The following PLAA variants were observed in gnomAD, a reference collection of about 807,000 sequenced individuals.
PLAA encodes phospholipase A2 activating protein, also known as phospholipase A-2-activating protein.
In PLAA, 48 loss-of-function variants were observed where a neutral mutation model predicts 84.1. The ratio of observed to expected loss-of-function variants is 0.57; its 90% CI spans 0.45 to 0.73. The LOEUF is 0.73. Ranked by LOEUF, PLAA falls within the 30% of genes least tolerant of loss-of-function variation. The probability of loss-of-function intolerance (pLI) is 0.00; values close to 1 mark genes in which losing one functional copy is unlikely to be tolerated. For missense variants in PLAA, 903 were observed against 954.7 expected, an observed-to-expected ratio of 0.95 and a Z score of 0.71; for synonymous variants, 392 against 336.6, an observed-to-expected ratio of 1.16 and a Z score of -1.80.
intron 6 of PLAA, among the ~76,000 whole-genome samples, chr9:26,924,923 T>C (rs150284851): frequency 6.6e-6 from 1 of 152,330 alleles, no homozygotes; most frequent in African/African-American, 2.4e-5. Context: ...GGCATGAGTG[T>C]GGCTCACCAC....
intron 7 of PLAA, among the ~76,000 whole-genome samples, chr9:26,921,212 G>C (rs886174529): frequency 6.6e-6 from 1 of 152,136 alleles, no homozygotes; most frequent in Non-Finnish European, 1.5e-5. Flanking sequence ...GGCAGTATTT[G>C]CTCCTTTCCC....
Position 26,917,162 on chromosome 9 carries a change from C to T in PLAA, c.1421G>A (p.Gly474Asp). 2 of 1,613,680 alleles carry T rather than the reference C, an allele frequency of 1.2e-6. No homozygotes were observed. Among genetic ancestry groups the T allele is most frequent in the Non-Finnish European group, 1.7e-6 (2 of 1,179,698 alleles). The change falls in exon 10 of 14, where the codon GGT becomes GAT. Residue 474 changes from glycine to aspartate, a missense_variant. Gly to Asp is a moderately conservative substitution (Grantham distance 94). Transcript: ENST00000397292. ...NPSFSDPFTGGGRYVPGSSGS... is the reference protein window; with the variant it reads ...NPSFSDPFTGDGRYVPGSSGS... Reference sequence around the variant, plus strand: ...CGAAGAGCCCGGAACATACCGACCACCACCTGTGCATGCAAAATAAAGAAA... The same window carrying T: ...CGAAGAGCCCGGAACATACCGACCATCACCTGTGCATGCAAAATAAAGAAA...
intron 12 of PLAA, among the ~76,000 whole-genome samples, chr9:26,908,765 C>T (rs532691524): frequency 7.2e-5 from 11 of 152,274 alleles, no homozygotes; most frequent in Middle Eastern, 6.8e-3. Context: ...TGAGCCACCA[C>T]GTCCGGCCTC....
chr9:26,916,114 G>A (rs1563908605), intron 10 of PLAA: 2 of 985,364 alleles, frequency 2.0e-6, no homozygotes, highest in East Asian at 1.1e-4. Flanking sequence ...TAAATTCACA[G>A]GAAAAAGGAA....
intron 1 of PLAA, among the ~76,000 whole-genome samples, chr9:26,943,815 T>C (rs867727487): frequency 1.3e-5 from 2 of 152,032 alleles, no homozygotes; most frequent in South Asian, 4.1e-4. Flanking sequence ...TAGCTGGGCA[T>C]AGTGGTTCTT....
intron 9 of PLAA, chr9:26,919,075 AC>A (rs924129626): frequency 2.7e-6 from 1 of 373,194 alleles, no homozygotes; most frequent in Non-Finnish European, 4.8e-6. Context: ...GTTTCAAATA[AC>A]TGAAATTCCA....
chr9:26,927,496 A>G (rs547896164), intron 4 of PLAA, among the ~76,000 whole-genome samples: 2 of 152,176 alleles, frequency 1.3e-5, no homozygotes, highest in Non-Finnish European at 2.9e-5. Context: ...TAAGGAAAAA[A>G]TTCAAAAAGG....
At chr9:26,923,657 T>G (rs936003636) in intron 6 of PLAA, among the ~76,000 whole-genome samples, 1 of 152,226 alleles carries the variant, frequency 6.6e-6, no homozygotes, top group Non-Finnish European at 1.5e-5. Flanking sequence ...TTTTAGTTAT[T>G]ACCATATAGA....
intron 1 of PLAA, among the ~76,000 whole-genome samples, chr9:26,943,215 G>A (rs1356678107): frequency 1.3e-5 from 2 of 152,162 alleles, no homozygotes; most frequent in East Asian, 3.9e-4. Flanking sequence ...ACAATGGCAT[G>A]TTGCTGGCTC....
chr9:26,911,561 T>C (rs751874207), intron 11 of PLAA, among the ~76,000 whole-genome samples: 17 of 152,236 alleles, frequency 1.1e-4, no homozygotes, highest in Non-Finnish European at 2.4e-4. Flanking sequence ...GTGCTGAGAT[T>C]ACAGGCGTGA....
At chr9:26,927,531 C>T (rs753401021) in intron 4 of PLAA, among the ~76,000 whole-genome samples, 2 of 152,122 alleles carry the variant, frequency 1.3e-5, no homozygotes, top group Non-Finnish European at 2.9e-5. Context: ...TTAAAATTAA[C>T]AGTAAATACT....
intron 1 of PLAA, among the ~76,000 whole-genome samples, chr9:26,944,256 T>C (rs929043028): frequency 6.6e-6 from 1 of 152,198 alleles, no homozygotes; most frequent in African/African-American, 2.4e-5. Flanking sequence ...GATACCTTGA[T>C]AATGGACTTC....
At chr9:26,916,996 A>G in intron 10 of PLAA, 101 bp downstream of exon 10, 2 of 949,940 alleles carry the variant, frequency 2.1e-6, no homozygotes. Flanking sequence ...AGATAAGGGA[A>G]TTACCAATTA....
intron 10 of PLAA, among the ~76,000 whole-genome samples, chr9:26,915,467 T>A (rs1228001952): frequency 6.6e-6 from 1 of 152,230 alleles, no homozygotes; most frequent in Non-Finnish European, 1.5e-5. Flanking sequence ...TGACTTTAAG[T>A]TGTAGCCAGA....
In PLAA at chr9:26,910,554, C is replaced by A. The variant is rs1824368660; in HGVS notation, c.1556-115G>T. ...GAGATATGCAACTATTCAGTGCGTG[C>A]AATAAACAAGGAACCTCAAGGGGAA... On this transcript the variant is annotated intron_variant, in intron 11 of 13. Coordinates refer to ENST00000397292, the MANE Select transcript of PLAA (RefSeq NM_001031689.3). 4 of 573,362 alleles carry A rather than the reference C, an allele frequency of 7.0e-6. No homozygotes were observed. In the South Asian group the frequency reaches 1.0e-4, roughly 15 times the overall value. The allele number at this position is 573,362 out of a possible 1,614,324, so 35.5% of individuals were successfully genotyped here.
At chr9:26,908,128 C>T (rs377309494) in intron 12 of PLAA, 130 bp from the exon 13 acceptor site, 17 of 557,204 alleles carry the variant, frequency 3.1e-5, no homozygotes, top group African/African-American at 2.9e-4. Flanking sequence ...CAGCAATTAT[C>T]AAACACCATA....
chr9:26,906,801 A>G (rs1824251565), intron 13 of PLAA, among the ~76,000 whole-genome samples: 1 of 152,090 alleles, frequency 6.6e-6, no homozygotes, highest in Non-Finnish European at 1.5e-5. Flanking sequence ...CTTTATAATC[A>G]AGGGCCTGGG....
intron 1 of PLAA, 50 bp from the exon 2 acceptor site, chr9:26,935,256 C>A: frequency 8.0e-7 from 1 of 1,243,196 alleles, no homozygotes; most frequent in Middle Eastern, 2.0e-4. Context: ...CTGACTTAGC[C>A]TAGGACATAA....
intron 4 of PLAA, among the ~76,000 whole-genome samples, chr9:26,927,785 A>T (rs1222577291): frequency 6.6e-6 from 1 of 152,222 alleles, no homozygotes; most frequent in African/African-American, 2.4e-5. Context: ...TTCAGGCTAA[A>T]AGTATTAAAA....
Sources: allele counts gnomAD v4.1 joint callset (sites outside exome capture counted in the v4.1 genomes callset), GRCh38; gene constraint gnomAD v4.1.1; transcripts MANE v1.5; gene names NCBI Gene and HGNC (gene_info 2026-07-23, HGNC 2026-07-21).